Variants in SMS observed in about 807,000 individuals in gnomAD.
The protein encoded by SMS is spermine synthase.
A neutral mutation model predicts 33.0 loss-of-function variants in SMS; 3 were observed. The ratio of observed to expected loss-of-function variants is 0.09; its 90% CI spans 0.04 to 0.23. The LOEUF (loss-of-function observed/expected upper bound fraction) is 0.23, where lower values mean the gene tolerates loss of function less well. Among genes scored for constraint, SMS ranks in the 10% least tolerant of loss-of-function variants. The pLI is 1.00. For missense variants in SMS, 117 were observed against 288.6 expected (o/e 0.41, Z 4.31); for synonymous variants, 103 against 112.2 (o/e 0.92, Z 0.52).
chrX:21,956,480 A>AT (rs1230799546), intron 1 of SMS, among the ~76,000 whole-genome samples: 1 of 106,304 alleles, frequency 9.4e-6, no homozygotes, highest in African/African-American at 3.5e-5. Context: ...TTATTTTTTT[A>AT]TTTTTTGAGA....
chrX:21,981,770 T>G, intron 7 of SMS, among the ~76,000 whole-genome samples: 1 of 111,935 alleles, frequency 8.9e-6, no homozygotes, highest in South Asian at 3.7e-4. Flanking sequence ...ATGTAAAAAC[T>G]AATACATTTA....
chrX:21,967,000 G>A (rs1173627643), intron 1 of SMS, among the ~76,000 whole-genome samples, 196 bp from the exon 2 acceptor site: 2 of 110,714 alleles, frequency 1.8e-5, no homozygotes, highest in Non-Finnish European at 3.8e-5. Context: ...AATGTTTATC[G>A]CTCATGTCAT....
At chrX:21,977,532 A>G (rs1924613935) in intron 5 of SMS, among the ~76,000 whole-genome samples, 1 of 112,234 alleles carries the variant, frequency 8.9e-6, no homozygotes. Flanking sequence ...ACCTAAGTAG[A>G]CAAACTAGTG....
chrX:21,962,817 G>A (rs1028708843), intron 1 of SMS, among the ~76,000 whole-genome samples: 7 of 110,702 alleles, frequency 6.3e-5, no homozygotes, highest in East Asian at 5.7e-4. Flanking sequence ...CACTATGTCC[G>A]GCTAATTTTT....
intron 1 of SMS, among the ~76,000 whole-genome samples, chrX:21,956,506 G>T (rs930581156): frequency 1.3e-4 from 14 of 109,975 alleles, no homozygotes; most frequent in African/African-American, 4.0e-4. Context: ...TCTTGCTCTT[G>T]TCACCCAGAC....
intron 9 of SMS, among the ~76,000 whole-genome samples, chrX:21,990,337 C>T (rs1388157273): frequency 1.8e-5 from 2 of 112,292 alleles, no homozygotes; most frequent in South Asian, 3.6e-4. Flanking sequence ...TTTCTTAAAA[C>T]CCCAGTGTCC....
At chrX:21,984,217 G>T (rs1475681753) in intron 7 of SMS, 87 bp from the exon 8 acceptor site, 10 of 642,184 alleles carry the variant, frequency 1.6e-5, no homozygotes, top group Middle Eastern at 8.5e-4. Flanking sequence ...CATACTTGGC[G>T]CTTTTTTCCT....
intron 1 of SMS, among the ~76,000 whole-genome samples, chrX:21,942,191 G>A (rs1235222114): frequency 9.0e-6 from 1 of 110,832 alleles, no homozygotes; most frequent in East Asian, 2.8e-4. Context: ...GATAGAGCAG[G>A]CTTTTCTCTT....
At chrX:21,955,406 G>T (rs1282740856) in intron 1 of SMS, among the ~76,000 whole-genome samples, 1 of 112,068 alleles carries the variant, frequency 8.9e-6, no homozygotes, top group Non-Finnish European at 1.9e-5. Flanking sequence ...TGTGATGAGG[G>T]GGTGAATGTA....
chrX:21,961,999 G>C (rs909154580), intron 1 of SMS, among the ~76,000 whole-genome samples: 1 of 112,172 alleles, frequency 8.9e-6, no homozygotes, highest in African/African-American at 3.2e-5. Flanking sequence ...GGACACTTAC[G>C]ACCTTGCTAT....
chrX:21,980,429 A>AAAATATATATATATATATAT (rs1260210326), intron 7 of SMS, among the ~76,000 whole-genome samples: 2 of 63,039 alleles, frequency 3.2e-5, no homozygotes, highest in African/African-American at 9.4e-5. Context: ...AAAAAAAAAA[A>AAAATATATATATATATATAT]ATATATATAT....
intron 1 of SMS, among the ~76,000 whole-genome samples, chrX:21,960,399 CT>C (rs148888550): frequency 0.44 from 44,459 of 101,903 alleles, 8,371 homozygotes; most frequent in African/African-American, 0.69. Flanking sequence ...TCTTCTGTTC[CT>C]TTTTTTTTTT....
In SMS at chrX:21,986,175, C is replaced by T. The variant is rs1925312517; in HGVS notation, c.945+952C>T. 4.6e-5 allele frequency among the ~76,000 whole-genome samples: 5 copies of T among 108,850 alleles called. No homozygotes were observed. In the Admixed American group the frequency reaches 4.9e-4, roughly 11 times the overall value. 94.5% of individuals were successfully genotyped at this position (108,850 alleles called of 115,157 possible). A position where few individuals can be genotyped will look rare whatever the true frequency, so the allele number is the denominator to read the frequency against. On this transcript the variant is annotated intron_variant, in intron 9 of 10. Transcript: ENST00000404933. ...ACCAGCCTGGCCAACATGGTGAAAT[C>T]CCGTCTCTACTAAAAATACAAAAAT...
chrX:21,949,402 T>C (rs771186732), intron 1 of SMS, among the ~76,000 whole-genome samples: 1 of 112,147 alleles, frequency 8.9e-6, no homozygotes, highest in South Asian at 3.7e-4. Flanking sequence ...GATGCTCAGT[T>C]ATAAAGAGGT....
chrX:21,981,958 G>C (rs1275482105), intron 7 of SMS, among the ~76,000 whole-genome samples: 1 of 111,026 alleles, frequency 9.0e-6, no homozygotes, highest in Non-Finnish European at 1.9e-5. Flanking sequence ...CTACAACTTA[G>C]AAATGAAGTT....
At chrX:21,953,971 G>T (rs1346306030) in intron 1 of SMS, among the ~76,000 whole-genome samples, 4 of 108,333 alleles carry the variant, frequency 3.7e-5, no homozygotes, top group African/African-American at 1.3e-4. Flanking sequence ...TACTAGTGTG[G>T]ATTAGGAATT....
chrX:21,948,437 G>GTTTTTTTTTTTTTTT (rs1922380744), intron 1 of SMS, among the ~76,000 whole-genome samples: 1 of 42,566 alleles, frequency 2.3e-5, no homozygotes, highest in African/African-American at 3.0e-4. Context: ...CAGTCAATGT[G>GTTTTTTTTTTTTTTT]TCTTTTTTTT....
chrX:21,972,302 C>T (rs906737043), intron 3 of SMS, among the ~76,000 whole-genome samples: 2 of 111,421 alleles, frequency 1.8e-5, no homozygotes, highest in African/African-American at 6.5e-5. Flanking sequence ...TGCTAACTTA[C>T]GCTAAGGTTA....
Position 21,994,679 on chromosome X carries a change from A to G in SMS, c.*328A>G, listed in dbSNP as rs4585875. 50 of 814,917 alleles carry G rather than the reference A, an allele frequency of 6.1e-5. No homozygotes were observed. The highest frequency in any genetic ancestry group is 6.2e-4 in the Middle Eastern group (1 of 1,620). 67.2% of individuals were successfully genotyped at this position (814,917 alleles called of 1,213,427 possible). On this transcript the variant is annotated 3_prime_UTR_variant, in exon 11 of 11. Transcript: ENST00000404933. ...TTGTTTTTGTTTTGGTAGATCTTCAATTTGGATATTTGGAGGAGTGAACAT... is the reference window on the plus strand; with the variant it reads ...TTGTTTTTGTTTTGGTAGATCTTCAGTTTGGATATTTGGAGGAGTGAACAT...
Sources: allele counts gnomAD v4.1 joint callset (sites outside exome capture counted in the v4.1 genomes callset), GRCh38; gene constraint gnomAD v4.1.1; transcripts MANE v1.5; gene names NCBI Gene and HGNC (gene_info 2026-07-23, HGNC 2026-07-21).